Variants in CDKAL1 observed in about 807,000 individuals in gnomAD.
The protein encoded by CDKAL1 is threonylcarbamoyladenosine tRNA methylthiotransferase.
CDKAL1 carries 32 observed loss-of-function variants against 68.2 expected under a neutral mutation model. The ratio of observed to expected loss-of-function variants is 0.47; its 90% CI spans 0.35 to 0.63. The LOEUF (loss-of-function observed/expected upper bound fraction) is 0.63. CDKAL1 is among the 30% of genes least tolerant of loss of function. The pLI is 0.00. For synonymous variants in CDKAL1, 234 were observed against 244.3 expected (o/e 0.96, Z 0.39); for missense variants, 606 against 696.7 (o/e 0.87, Z 1.47).
intron 4 of CDKAL1, among the ~76,000 whole-genome samples, chr6:20,603,768 ATTT>A (rs745786047): frequency 6.5e-4 from 55 of 85,204 alleles, no homozygotes; most frequent in African/African-American, 8.4e-4. Flanking sequence ...CAGTTGCTAA[ATTT>A]TTTTTTTTTT....
chr6:20,929,003 A>G (rs747555252), intron 9 of CDKAL1, among the ~76,000 whole-genome samples: 13 of 152,216 alleles, frequency 8.5e-5, no homozygotes, highest in Non-Finnish European at 1.5e-4. Context: ...GATGATATCT[A>G]TAAAGCCAGC....
intron 8 of CDKAL1, among the ~76,000 whole-genome samples, chr6:20,804,876 A>G (rs1181627909): frequency 1.3e-5 from 2 of 152,044 alleles, no homozygotes; most frequent in African/African-American, 2.4e-5. Context: ...CTGCTAGTCT[A>G]CTGTTTTGAT....
chr6:20,677,783 TTC>T (rs1770185128), intron 5 of CDKAL1, among the ~76,000 whole-genome samples: 1 of 152,196 alleles, frequency 6.6e-6, no homozygotes, highest in Non-Finnish European at 1.5e-5. Context: ...ATATGAATTT[TTC>T]TCTGTTTACT....
At chr6:20,562,760 A>C (rs987267819) in intron 4 of CDKAL1, among the ~76,000 whole-genome samples, 1 of 151,878 alleles carries the variant, frequency 6.6e-6, no homozygotes, top group Admixed American at 6.6e-5. Context: ...AAAAAAATTC[A>C]TTGTTAGCAT....
chr6:21,232,246 GTCT>G lies in CDKAL1; in HGVS notation c.*1212_*1214del, dbSNP rs1780009570. On this transcript the variant is annotated 3_prime_UTR_variant, in exon 16 of 16. Coordinates refer to ENST00000274695, the MANE Select transcript of CDKAL1 (RefSeq NM_017774.3). Reference sequence around the variant, plus strand: ...TGCCTGGAACTCCTAGCCTCAAGCAGTCTTCTTGCCTCAGCCTCCCAAAGTGCT... The same window carrying G: ...TGCCTGGAACTCCTAGCCTCAAGCAGTCTTGCCTCAGCCTCCCAAAGTGCT... The G allele has an allele frequency of 6.6e-6, 1 of 151,828 alleles. No homozygotes were observed. The highest frequency in any genetic ancestry group is 1.5e-5 in the Non-Finnish European group (1 of 68,000). The allele number at this position is 151,828 out of a possible 1,614,324, so 9.4% of individuals were successfully genotyped here. A position where few individuals can be genotyped will look rare whatever the true frequency, so the allele number is the denominator to read the frequency against.
At chr6:20,618,873 T>G (rs1374336092) in intron 4 of CDKAL1, among the ~76,000 whole-genome samples, 5 of 151,982 alleles carry the variant, frequency 3.3e-5, no homozygotes, top group African/African-American at 1.2e-4. Flanking sequence ...GAGATGAGGT[T>G]TTGTCATGTT....
intron 8 of CDKAL1, among the ~76,000 whole-genome samples, chr6:20,844,737 C>T (rs568357080): frequency 2.0e-5 from 3 of 150,932 alleles, no homozygotes; most frequent in Non-Finnish European, 4.4e-5. Flanking sequence ...AAAATATCGA[C>T]AACAGTGTCT....
At chr6:20,936,602 A>G (rs1229917043) in intron 9 of CDKAL1, among the ~76,000 whole-genome samples, 2 of 151,990 alleles carry the variant, frequency 1.3e-5, no homozygotes, top group Admixed American at 1.3e-4. Flanking sequence ...CTTGGTGACA[A>G]CTACTTACTA....
At chr6:20,980,186 AAGAT>A (rs927126143) in intron 10 of CDKAL1, among the ~76,000 whole-genome samples, 4 of 139,956 alleles carry the variant, frequency 2.9e-5, no homozygotes, top group African/African-American at 5.5e-5. Context: ...GAAGCCTCCA[AAGAT>A]AGATAGATAT....
intron 11 of CDKAL1, among the ~76,000 whole-genome samples, chr6:21,041,911 G>C (rs1246950703): frequency 6.6e-6 from 1 of 152,060 alleles, no homozygotes; most frequent in Non-Finnish European, 1.5e-5. Context: ...CACAGGTTTA[G>C]CTATTTACAG....
At chr6:20,991,101 A>G (rs1766766133) in intron 10 of CDKAL1, among the ~76,000 whole-genome samples, 1 of 152,262 alleles carries the variant, frequency 6.6e-6, no homozygotes, top group African/African-American at 2.4e-5. Context: ...GAGTAGAGCT[A>G]TCAACTGTCT....
chr6:20,844,712 A>G (rs72832381), intron 8 of CDKAL1, among the ~76,000 whole-genome samples: 11,875 of 44,136 alleles, frequency 0.27, 777 homozygotes, highest in East Asian at 0.58. Context: ...ACAGAAAAAC[A>G]AAAACAAAAA....
intron 4 of CDKAL1, among the ~76,000 whole-genome samples, chr6:20,646,441 A>G (rs1396009992): frequency 4.0e-5 from 6 of 151,752 alleles, no homozygotes; most frequent in Admixed American, 3.9e-4. Context: ...TCTATAGTAA[A>G]TACTAAGTGA....
At chr6:21,144,576 G>A (rs1455231771) in intron 13 of CDKAL1, among the ~76,000 whole-genome samples, 1 of 151,308 alleles carries the variant, frequency 6.6e-6, no homozygotes, top group Non-Finnish European at 1.5e-5. Context: ...CTTGAGACCA[G>A]GAGTTAGAGA....
At chr6:20,541,983 G>A (rs777772650) in intron 2 of CDKAL1, among the ~76,000 whole-genome samples, 2 of 152,232 alleles carry the variant, frequency 1.3e-5, no homozygotes, top group Non-Finnish European at 2.9e-5. Context: ...CCATGACCAC[G>A]TGGTACGTAT....
At chr6:21,055,305 ATT>A (rs1770766612) in intron 11 of CDKAL1, among the ~76,000 whole-genome samples, 1 of 152,104 alleles carries the variant, frequency 6.6e-6, no homozygotes, top group Non-Finnish European at 1.5e-5. Context: ...TATGAGAGAT[ATT>A]GGTCTATAGT....
chr6:20,906,837 A>G lies in CDKAL1; in HGVS notation c.743-48582A>G, dbSNP rs200624161. 4.6e-5 allele frequency among the ~76,000 whole-genome samples: 7 copies of G among 152,336 alleles called. No individual in the cohort carries two copies. The East Asian group carries it at 9.7e-4, about 21-fold the overall frequency. ...TCTTATCAGTCAGAGTCTGACATAT[A>G]CTAGAACACAGAAGGAAATTCTAAC... is the stretch of plus-strand genomic sequence containing the variant. On this transcript the variant is annotated intron_variant, in intron 9 of 15. Coordinates refer to ENST00000274695, the MANE Select transcript of CDKAL1 (RefSeq NM_017774.3).
At chr6:20,633,190 T>C (rs182099684) in intron 4 of CDKAL1, among the ~76,000 whole-genome samples, 2 of 152,350 alleles carry the variant, frequency 1.3e-5, no homozygotes, top group Admixed American at 1.3e-4. Context: ...CTGAGCCCAC[T>C]CAGTCCTCCT....
chr6:21,018,814 C>T (rs1768478090), intron 11 of CDKAL1, among the ~76,000 whole-genome samples: 1 of 151,992 alleles, frequency 6.6e-6, no homozygotes, highest in African/African-American at 2.4e-5. Context: ...TTTTGTTCTC[C>T]ACTTCCTCAC....
Sources: allele counts gnomAD v4.1 joint callset (sites outside exome capture counted in the v4.1 genomes callset), GRCh38; gene constraint gnomAD v4.1.1; transcripts MANE v1.5; gene names NCBI Gene and HGNC (gene_info 2026-07-23, HGNC 2026-07-21).